Variants in CPED1 observed in about 807,000 individuals in gnomAD.
CPED1 encodes cadherin-like and PC-esterase domain-containing protein 1.
Under a neutral mutation model 128.2 loss-of-function variants are expected in CPED1, and 114 were observed. The ratio of observed to expected loss-of-function variants is 0.89; its 90% CI spans 0.76 to 1.04. CPED1 has a LOEUF of 1.04. Among genes scored for constraint, CPED1 ranks in the 50% least tolerant of loss-of-function variants. The pLI is 0.00. For synonymous variants in CPED1, 462 were observed against 426.7 expected (o/e 1.08, Z -1.02); for missense variants, 1,211 against 1,207.1 (o/e 1.00, Z -0.05).
intron 4 of CPED1, among the ~76,000 whole-genome samples, chr7:121,062,372 A>G (rs1793695159): frequency 6.6e-6 from 1 of 152,206 alleles, no homozygotes; most frequent in Admixed American, 6.5e-5. Context: ...CAAACAAAAA[A>G]TCTCTATTAC....
chr7:121,000,962 C>T (rs904654899), intron 2 of CPED1, among the ~76,000 whole-genome samples: 2 of 152,084 alleles, frequency 1.3e-5, no homozygotes, highest in African/African-American at 4.8e-5. Context: ...TGGCCAGAGT[C>T]AATGTTCAAT....
intron 16 of CPED1, among the ~76,000 whole-genome samples, chr7:121,160,375 G>A (rs906748563): frequency 6.6e-6 from 1 of 152,172 alleles, no homozygotes; most frequent in Non-Finnish European, 1.5e-5. Context: ...GGCTGCAAGA[G>A]AGATATGAGG....
intron 4 of CPED1, among the ~76,000 whole-genome samples, chr7:121,052,189 C>A (rs1187869965): frequency 6.6e-6 from 1 of 152,156 alleles, no homozygotes; most frequent in Non-Finnish European, 1.5e-5. Context: ...AATCTCTCCC[C>A]ACAGCTGTAA....
chr7:121,129,334 T>TATATAC (rs71170229), intron 11 of CPED1, among the ~76,000 whole-genome samples: 1 of 127,856 alleles, frequency 7.8e-6, no homozygotes, highest in African/African-American at 2.9e-5. Context: ...TATATATATA[T>TATATAC]ACGTATATAT....
intron 3 of CPED1, among the ~76,000 whole-genome samples, chr7:121,040,411 A>G (rs999581170): frequency 1.3e-5 from 2 of 152,132 alleles, no homozygotes; most frequent in Admixed American, 1.3e-4. Flanking sequence ...ACTGTTCCAT[A>G]GATCTCCTAC....
At chr7:121,287,565 C>T (rs1225514026) in intron 22 of CPED1, among the ~76,000 whole-genome samples, 1 of 152,164 alleles carries the variant, frequency 6.6e-6, no homozygotes, top group Non-Finnish European at 1.5e-5. Context: ...ATTGTAGACT[C>T]TATTCATAGT....
chr7:121,143,841 T>TA (rs1795959747), intron 16 of CPED1, among the ~76,000 whole-genome samples: 1 of 151,858 alleles, frequency 6.6e-6, no homozygotes, highest in African/African-American at 2.4e-5. Context: ...CATATGCCCA[T>TA]AAAAAGACAC....
chr7:121,176,317 G>C (rs192887828), intron 16 of CPED1, among the ~76,000 whole-genome samples: 71 of 149,530 alleles, frequency 4.7e-4, no homozygotes, highest in Middle Eastern at 3.7e-3. Flanking sequence ...AAATCACAAA[G>C]TTGCAACATT....
intron 16 of CPED1, among the ~76,000 whole-genome samples, chr7:121,208,711 A>G (rs1455473819): frequency 1.3e-5 from 2 of 152,020 alleles, no homozygotes; most frequent in African/African-American, 2.4e-5. Flanking sequence ...CCTTGTCACA[A>G]TGACTCTGGT....
chr7:120,997,953 A>T (rs1315925471), intron 2 of CPED1, among the ~76,000 whole-genome samples: 1 of 149,498 alleles, frequency 6.7e-6, no homozygotes, highest in East Asian at 1.9e-4. Flanking sequence ...AAAATAAAAT[A>T]AAATAAAATA....
chr7:121,201,564 T>C (rs914723133), intron 16 of CPED1, among the ~76,000 whole-genome samples: 2 of 150,894 alleles, frequency 1.3e-5, no homozygotes, highest in African/African-American at 4.9e-5. Flanking sequence ...AGGAGAAAAT[T>C]TAGAGAGGAA....
intron 7 of CPED1, among the ~76,000 whole-genome samples, chr7:121,103,431 A>T (rs1485570829): frequency 6.6e-6 from 1 of 152,156 alleles, no homozygotes; most frequent in African/African-American, 2.4e-5. Flanking sequence ...GAGGATATTT[A>T]TTTACCCTTC....
At chr7:121,136,130 A>G (rs757675070) in intron 14 of CPED1, 40 bp downstream of exon 14, 22 of 1,526,998 alleles carry the variant, frequency 1.4e-5, no homozygotes, top group Non-Finnish European at 1.9e-5. Flanking sequence ...ATAATAAACA[A>G]TTAGGGAACA....
chr7:121,127,130 A>G lies in CPED1; in HGVS notation c.1175A>G (p.Asp392Gly). ...AATTTTCAAGATTATGATAATATGG[A>G]TTTTGAGGACCAAAATACAGAAGAA... The part of the protein sequence containing the change: ...HLNFQDYDNM[D>G]FEDQNTEEFL... The change falls in exon 10 of 23, where the codon GAT becomes GGT. Residue 392 changes from aspartate (D) to glycine (G), a missense_variant. By Grantham distance (94) the Asp-to-Gly change is moderately conservative (BLOSUM62 -1). Transcript: ENST00000310396. 4 of 1,603,884 alleles carry G rather than the reference A, an allele frequency of 2.5e-6. No individual in the cohort carries two copies. The South Asian group carries it at 3.3e-5, about 13-fold the overall frequency.
rs548783359 is a variant in CPED1 at position 121,198,567 on chromosome 7, A to G, written c.2056-38147A>G. Among the ~76,000 whole-genome samples the G allele has an allele frequency of 8.5e-5, 13 of 152,146 alleles. No homozygotes were observed. In the East Asian group the frequency reaches 1.7e-3, roughly 20 times the overall value. ...CTCATACTTTACAGAGTGCTGCCCAATCCTGCTTATTTTCCTCTCACTGCA... is the reference window on the plus strand; with the variant it reads ...CTCATACTTTACAGAGTGCTGCCCAGTCCTGCTTATTTTCCTCTCACTGCA... On this transcript the variant is annotated intron_variant, in intron 16 of 22. Coordinates refer to ENST00000310396, the MANE Select transcript of CPED1 (RefSeq NM_024913.5).
intron 5 of CPED1, among the ~76,000 whole-genome samples, chr7:121,069,755 G>A (rs572364297): frequency 6.6e-6 from 1 of 152,176 alleles, no homozygotes; most frequent in Admixed American, 6.6e-5. Context: ...TATTAAGTTT[G>A]CTCATTTTGA....
At chr7:120,996,009 T>G (rs1796397512) in intron 2 of CPED1, among the ~76,000 whole-genome samples, 1 of 151,652 alleles carries the variant, frequency 6.6e-6, no homozygotes, top group South Asian at 2.1e-4. Context: ...CTGGGAGTGG[T>G]GGCTCACATC....
At chr7:121,291,406 A>G (rs376056563) in intron 22 of CPED1, among the ~76,000 whole-genome samples, 2 of 152,320 alleles carry the variant, frequency 1.3e-5, no homozygotes, top group Admixed American at 6.5e-5. Flanking sequence ...GGCCATTTTC[A>G]CAATATTGAT....
intron 16 of CPED1, among the ~76,000 whole-genome samples, chr7:121,157,453 G>T (rs1796313726): frequency 2.0e-5 from 3 of 152,152 alleles, no homozygotes; most frequent in African/African-American, 7.2e-5. Context: ...AGGAGGGTGT[G>T]AGCAACGGGG....
Sources: allele counts gnomAD v4.1 joint callset (sites outside exome capture counted in the v4.1 genomes callset), GRCh38; gene constraint gnomAD v4.1.1; transcripts MANE v1.5; gene names NCBI Gene and HGNC (gene_info 2026-07-23, HGNC 2026-07-21).